Variants in TGIF1 observed in about 807,000 individuals in gnomAD.
TGIF1 encodes homeobox protein TGIF1.
A neutral mutation model predicts 19.3 loss-of-function variants in TGIF1; 4 were observed. The observed-to-expected ratio is 0.21, with a 90% CI of 0.10 to 0.47. The LOEUF is 0.47. Ranked by LOEUF, TGIF1 falls within the 20% of genes least tolerant of loss-of-function variation. The pLI, the probability that TGIF1 is intolerant of heterozygous loss-of-function variation, is 0.98. For missense variants in TGIF1, 275 were observed against 341.4 expected (o/e 0.81, Z 1.53); for synonymous variants, 122 against 129.3 (o/e 0.94, Z 0.38).
At chr18:3,447,863 TCCC>T, upstream of TGIF1, 1 of 1,577,358 alleles carries the variant, frequency 6.3e-7, no homozygotes. Context: ...TCTCCGCCCC[TCCC>T]CCCTTCTCCT....
chr18:3,450,512 C>T lies in TGIF1; in HGVS notation c.16+7C>T, dbSNP rs540114043. On this transcript the variant is annotated splice_region_variant and intron_variant, in intron 1 of 2. Coordinates refer to ENST00000343820, the MANE Select transcript of TGIF1 (RefSeq NM_003244.4). ...AGAATGAAAGGCAAGAAAGGTAAGG[C>T]GGCCGCGGGCTGCGCGCACCAGAAG... is the stretch of plus-strand genomic sequence containing the variant. 3.2e-6 allele frequency: 5 copies of T among 1,560,568 alleles called. No homozygotes were observed. In the African/African-American group the frequency reaches 6.8e-5, roughly 21 times the overall value.
At chr18:3,445,385 T>A (rs185363719), upstream of TGIF1, among the ~76,000 whole-genome samples, 654 of 152,184 alleles carry the variant, frequency 4.3e-3, 4 homozygotes, top group African/African-American at 0.015. Context: ...TCTCACTTAG[T>A]ATATTCTCTC....
chr18:3,413,871 G>C (rs2082299518), intron 1 of TGIF1, among the ~76,000 whole-genome samples: 1 of 152,192 alleles, frequency 6.6e-6, no homozygotes, highest in Non-Finnish European at 1.5e-5. Flanking sequence ...AAAAAGTACA[G>C]TTGTATCTTA....
chr18:3,456,436 A>C lies in TGIF1; in HGVS notation c.99A>C (p.Ser33=). Residue 33 remains serine, a synonymous_variant, in exon 2 of 3, where the codon TCA becomes TCC. Transcript: ENST00000343820. The surrounding 1 kb of genome is among the most constrained non-coding windows in gnomAD (Gnocchi z 4.2). ...TGGACCTTTCTTCATCCGCTGGCTC[A>C]GGCAAGAGAAGGAGAAGGGGCAACC... ...IPLDLSSSAG[S]GKRRRRGNLP... 1 of 1,614,264 alleles carries C rather than the reference A, an allele frequency of 6.2e-7. No homozygotes were observed. Among genetic ancestry groups the C allele is most frequent in the Non-Finnish European group, 8.5e-7 (1 of 1,180,042 alleles).
At chr18:3,447,626 A>G (rs2082765571), upstream of TGIF1, 2 of 1,152,520 alleles carry the variant, frequency 1.7e-6, no homozygotes, top group Non-Finnish European at 1.3e-6. Context: ...GGCTGGGGGG[A>G]GGCAGTGGGG....
upstream of TGIF1, among the ~76,000 whole-genome samples, chr18:3,445,723 CAAAAAAAAA>C (rs141550400): frequency 1.8e-3 from 32 of 17,694 alleles, no homozygotes; most frequent in African/African-American, 5.1e-3. Flanking sequence ...GACTCTGTCT[CAAAAAAAAA>C]AAAAAAAAAA....
At chr18:3,434,877 C>T (rs900200715) in intron 2 of TGIF1, among the ~76,000 whole-genome samples, 1 of 152,192 alleles carries the variant, frequency 6.6e-6, no homozygotes, top group Non-Finnish European at 1.5e-5. Context: ...CCTTTCACAC[C>T]CTTTGACCTC....
chr18:3,414,917 G>A (rs1363444266), intron 1 of TGIF1, among the ~76,000 whole-genome samples: 1 of 152,140 alleles, frequency 6.6e-6, no homozygotes, highest in East Asian at 1.9e-4. Flanking sequence ...AAGACCCAAT[G>A]TCCAATGTCA....
intron 2 of TGIF1, among the ~76,000 whole-genome samples, chr18:3,428,674 T>G (rs1409463764): frequency 6.6e-6 from 1 of 151,720 alleles, no homozygotes; most frequent in Non-Finnish European, 1.5e-5. Context: ...GAGGTGGAGG[T>G]TGCAGTGAGC....
intron 1 of TGIF1, among the ~76,000 whole-genome samples, chr18:3,454,622 A>G (rs1232587483): frequency 6.6e-6 from 1 of 152,230 alleles, no homozygotes; most frequent in Admixed American, 6.5e-5. Context: ...TGAAAGTCTC[A>G]TCTTGCCAAT....
At chr18:3,438,216 A>G (rs1192413858) in intron 2 of TGIF1, among the ~76,000 whole-genome samples, 1 of 152,210 alleles carries the variant, frequency 6.6e-6, no homozygotes, top group East Asian at 1.9e-4. Flanking sequence ...ACCTAAGTCA[A>G]GCAATCTAGA....
At chr18:3,445,752 AAG>A (rs1555648622), upstream of TGIF1, among the ~76,000 whole-genome samples, 6 of 115,046 alleles carry the variant, frequency 5.2e-5, no homozygotes, top group African/African-American at 2.1e-4. Context: ...AAAAAAAAAA[AAG>A]AGAAGAAAAG....
At chr18:3,422,941 G>A (rs1452867962) in intron 2 of TGIF1, among the ~76,000 whole-genome samples, 10 of 151,866 alleles carry the variant, frequency 6.6e-5, no homozygotes, top group Admixed American at 2.0e-4. Context: ...CACCTGCCTC[G>A]GCCTCCCAAA....
At chr18:3,447,274 C>T (rs2082760251), upstream of TGIF1, among the ~76,000 whole-genome samples, 1 of 151,806 alleles carries the variant, frequency 6.6e-6, no homozygotes, top group Non-Finnish European at 1.5e-5. Flanking sequence ...CAAGCAATTT[C>T]CCAATTCAAG....
chr18:3,412,666 G>A (rs1316770451), intron 1 of TGIF1, among the ~76,000 whole-genome samples: 1 of 152,202 alleles, frequency 6.6e-6, no homozygotes, highest in Non-Finnish European at 1.5e-5. Context: ...GGGCCCCCAG[G>A]ACCTGGCACA....
Position 3,451,965 on chromosome 18 carries a change from C to A in TGIF1, c.16+1460C>A. ...GGGCCTCCCGGGAATAAGTGAGGGG[C>A]TCTGTGTTTCGAGGATGGTTCTAGC... On this transcript the variant is annotated intron_variant, in intron 1 of 2. Coordinates refer to ENST00000343820, the MANE Select transcript of TGIF1 (RefSeq NM_003244.4). The surrounding 1 kb of genome is among the most constrained non-coding windows in gnomAD (Gnocchi z 5.4). 6.4e-7 allele frequency: 1 copy of A among 1,569,126 alleles called. No individual in the cohort carries two copies. The highest frequency in any genetic ancestry group is 8.7e-7 in the Non-Finnish European group (1 of 1,155,570).
chr18:3,412,057 G>A (rs896791847), exon 1 of TGIF1: 5 of 164,826 alleles, frequency 3.0e-5, no homozygotes, highest in Admixed American at 1.9e-4. Flanking sequence ...GGACAACAGT[G>A]ATTTGCCTCA....
At chr18:3,440,483 A>G (rs942202617) in intron 2 of TGIF1, among the ~76,000 whole-genome samples, 1 of 152,194 alleles carries the variant, frequency 6.6e-6, no homozygotes. Flanking sequence ...GTAAAAGGCA[A>G]TGAATAGTTG....
chr18:3,440,081 A>G (rs2082663241), intron 2 of TGIF1, among the ~76,000 whole-genome samples: 1 of 151,846 alleles, frequency 6.6e-6, no homozygotes, highest in African/African-American at 2.4e-5. Context: ...AAGGAGCTCT[A>G]CTAGTCTACT....
Sources: allele counts gnomAD v4.1 joint callset (sites outside exome capture counted in the v4.1 genomes callset), GRCh38; gene constraint gnomAD v4.1.1; non-coding constraint Gnocchi (gnomAD v3.1); transcripts MANE v1.5; gene names NCBI Gene and HGNC (gene_info 2026-07-23, HGNC 2026-07-21).